Variants in SRFBP1 observed in about 807,000 individuals in gnomAD.
SRFBP1 encodes serum response factor binding protein 1, also known as serum response factor-binding protein 1.
A neutral mutation model predicts 45.5 loss-of-function variants in SRFBP1; 47 were observed. The ratio of observed to expected loss-of-function variants is 1.03; its 90% CI spans 0.82 to 1.32. The LOEUF is 1.32. Among genes scored for constraint, SRFBP1 ranks in the 40% most tolerant of loss-of-function variants. The pLI is 0.00. For synonymous variants in SRFBP1, 203 were observed against 166.3 expected, an observed-to-expected ratio of 1.22 and a Z score of -1.70; for missense variants, 621 against 484.6, an observed-to-expected ratio of 1.28 and a Z score of -2.64.
intron 4 of SRFBP1, among the ~76,000 whole-genome samples, chr5:121,999,544 C>A (rs1752810326): frequency 6.6e-6 from 1 of 151,934 alleles, no homozygotes; most frequent in African/African-American, 2.4e-5. Flanking sequence ...TACGTTGGAA[C>A]CTCCATCTAT....
chr5:121,993,720 T>G (rs1752660505), intron 3 of SRFBP1, among the ~76,000 whole-genome samples: 1 of 152,158 alleles, frequency 6.6e-6, no homozygotes, highest in Non-Finnish European at 1.5e-5. Flanking sequence ...ATAACCACTT[T>G]AAATGCTTTT....
intron 2 of SRFBP1, among the ~76,000 whole-genome samples, chr5:122,047,867 A>C (rs185021504): frequency 1.8e-4 from 28 of 152,274 alleles, no homozygotes; most frequent in Admixed American, 1.5e-3. Flanking sequence ...GGTGTATAAG[A>C]ATGCTTGTGA....
At chr5:121,969,135 A>G (rs1401500188) in intron 1 of SRFBP1, among the ~76,000 whole-genome samples, 1 of 152,196 alleles carries the variant, frequency 6.6e-6, no homozygotes, top group Non-Finnish European at 1.5e-5. Flanking sequence ...AATAGAGCTC[A>G]TTCTCTAAAA....
At chr5:122,061,011 TTTTTC>T (rs1580550609) in intron 2 of SRFBP1, among the ~76,000 whole-genome samples, 2 of 152,092 alleles carry the variant, frequency 1.3e-5, no homozygotes, top group Admixed American at 6.6e-5. Context: ...TTAAAAGGGT[TTTTTC>T]TAATATCATC....
rs113392775 is a variant in SRFBP1 at position 121,999,778 on chromosome 5, T to G, written c.270+5108T>G. On this transcript the variant is annotated intron_variant, in intron 4 of 7. Coordinates refer to ENST00000339397, the MANE Select transcript of SRFBP1 (RefSeq NM_152546.3). ...CTTTAGCTTTCTTTTGGTTAGTGTT[T>G]ACATTCAATATCTTTCTCCATCATT... 6.5e-3 allele frequency among the ~76,000 whole-genome samples: 997 copies of G among 152,234 alleles called. 17 individuals carry two copies. Among genetic ancestry groups the G allele is most frequent in the African/African-American group, 0.023 (955 of 41,568 alleles).
At chr5:122,015,267 A>G (rs1201103119) in intron 4 of SRFBP1, among the ~76,000 whole-genome samples, 1 of 152,232 alleles carries the variant, frequency 6.6e-6, no homozygotes, top group African/African-American at 2.4e-5. Context: ...TGTTTCTACC[A>G]AGACAGAATC....
chr5:121,970,157 C>A (rs1176612895), intron 1 of SRFBP1, among the ~76,000 whole-genome samples: 1 of 152,046 alleles, frequency 6.6e-6, no homozygotes, highest in Non-Finnish European at 1.5e-5. Flanking sequence ...TATTTGTCAT[C>A]AGTTTTGCAA....
chr5:122,069,587 T>C (rs975841305), intron 2 of SRFBP1, among the ~76,000 whole-genome samples: 4 of 152,154 alleles, frequency 2.6e-5, no homozygotes, highest in African/African-American at 9.7e-5. Flanking sequence ...AACTCAAATA[T>C]ATGACATCTT....
chr5:122,025,540 G>A (rs180993603), intron 7 of SRFBP1, among the ~76,000 whole-genome samples: 103 of 152,252 alleles, frequency 6.8e-4, no homozygotes, highest in African/African-American at 2.3e-3. Flanking sequence ...TCGCCACACT[G>A]ACTTCCACAA....
intron 4 of SRFBP1, 42 bp from the exon 5 acceptor site, chr5:122,019,218 T>A: frequency 1.3e-6 from 2 of 1,519,116 alleles, no homozygotes; most frequent in Non-Finnish European, 1.8e-6. Flanking sequence ...AGTGTCATTT[T>A]TATTTCATTC....
chr5:122,036,387 A>G (rs1367173421), intron 2 of SRFBP1, among the ~76,000 whole-genome samples: 5 of 152,128 alleles, frequency 3.3e-5, no homozygotes, highest in Admixed American at 2.6e-4. Context: ...CTAGTTGGCA[A>G]CATTTTGCAC....
chr5:122,020,610 G>A lies in SRFBP1; in HGVS notation c.875G>A (p.Arg292Gln), dbSNP rs1178140798. ...GACTTCTTCATTGGGAAAGTCAGAC[G>A]GACACGAAAGAAGGAAAGTAGTTGT... ...GDDFFIGKVRRTRKKESSCHS... is the reference protein window; with the variant it reads ...GDDFFIGKVRQTRKKESSCHS... The change falls in exon 6 of 8, where the codon CGG becomes CAG. Residue 292 changes from arginine (R) to glutamine (Q), a missense_variant. Physicochemically the swap from Arg to Gln is conservative, Grantham distance 43. Coordinates refer to ENST00000339397, the MANE Select transcript of SRFBP1 (RefSeq NM_152546.3). 9.3e-6 allele frequency: 15 copies of A among 1,613,574 alleles called. No homozygotes were observed. The highest frequency in any genetic ancestry group is 5.3e-5 in the African/African-American group (4 of 74,858).
intron 7 of SRFBP1, among the ~76,000 whole-genome samples, chr5:122,025,164 ATG>A (rs1390760848): frequency 1.4e-5 from 2 of 146,194 alleles, no homozygotes; most frequent in Non-Finnish European, 3.0e-5. Context: ...TCCTGTGTCC[ATG>A]TGTTCTCATT....
intron 3 of SRFBP1, among the ~76,000 whole-genome samples, chr5:121,982,292 A>T (rs1004956183): frequency 5.3e-5 from 8 of 151,922 alleles, no homozygotes; most frequent in African/African-American, 1.9e-4. Flanking sequence ...TCATAGCGCT[A>T]TTTTAAAAGA....
chr5:122,076,877 A>T, downstream of SRFBP1: 1 of 1,612,018 alleles, frequency 6.2e-7, no homozygotes, highest in Non-Finnish European at 8.5e-7. Flanking sequence ...GGGGCCTCAG[A>T]CATATCAGCC....
At chr5:121,966,054 T>C (rs151313653) in intron 1 of SRFBP1, among the ~76,000 whole-genome samples, 1,612 of 152,326 alleles carry the variant, frequency 0.011, 28 homozygotes, top group African/African-American at 0.036. Flanking sequence ...GAGACTTTGC[T>C]GAAATTGCTT....
intron 1 of SRFBP1, among the ~76,000 whole-genome samples, chr5:121,973,982 T>G (rs977996155): frequency 5.9e-5 from 9 of 151,854 alleles, no homozygotes; most frequent in Admixed American, 3.3e-4. Flanking sequence ...AAATTATAAC[T>G]TGTTTTTCTT....
chr5:121,980,277 T>C (rs528056158), intron 3 of SRFBP1, among the ~76,000 whole-genome samples: 1 of 152,310 alleles, frequency 6.6e-6, no homozygotes, highest in Non-Finnish European at 1.5e-5. Flanking sequence ...TAATAGTGTT[T>C]TGTATCACAT....
At chr5:122,077,132 A>G, downstream of SRFBP1, 2 of 1,480,820 alleles carry the variant, frequency 1.4e-6, no homozygotes, top group Non-Finnish European at 1.8e-6. The surrounding 1 kb of genome is among the most constrained non-coding windows in gnomAD (Gnocchi z 4.9). Context: ...GGAGGACAGC[A>G]AGAGAACTGG....
Sources: allele counts gnomAD v4.1 joint callset (sites outside exome capture counted in the v4.1 genomes callset), GRCh38; gene constraint gnomAD v4.1.1; non-coding constraint Gnocchi (gnomAD v3.1); transcripts MANE v1.5; gene names NCBI Gene and HGNC (gene_info 2026-07-23, HGNC 2026-07-21).